The following ANKRD11 variants were observed in gnomAD, a reference collection of about 807,000 sequenced individuals.
ANKRD11 encodes the protein ankyrin repeat domain 11.
ANKRD11 carries 17 observed loss-of-function variants against 195.7 expected under a neutral mutation model. The observed-to-expected ratio is 0.09, with a 90% CI of 0.06 to 0.13. The LOEUF (loss-of-function observed/expected upper bound fraction) is 0.13. ANKRD11 is among the 10% of genes least tolerant of loss of function. The probability of loss-of-function intolerance (pLI) is 1.00; values close to 1 mark genes in which losing one functional copy is unlikely to be tolerated. For missense variants in ANKRD11, 3,735 were observed against 3,566.1 expected (o/e 1.05, Z -1.21); for synonymous variants, 1,953 against 1,528.1 (o/e 1.28, Z -6.49).
intron 2 of ANKRD11, among the ~76,000 whole-genome samples, chr16:89,373,989 G>A (rs1013988405): frequency 6.6e-6 from 1 of 152,242 alleles, no homozygotes; most frequent in Non-Finnish European, 1.5e-5. Flanking sequence ...AGAAGGGTCT[G>A]ACGACCACAA....
In ANKRD11 at chr16:89,283,669, C is replaced by T. The variant is rs2034444431; in HGVS notation, c.2873G>A (p.Cys958Tyr). 1 of 1,612,414 alleles carries T rather than the reference C, an allele frequency of 6.2e-7. No homozygotes were observed. ...GRDRKDALES[C>Y]KERRDGRAKP... ...GGCCCTGCCGTCCCTGCGCTCCTTG[C>T]AGCTCTCCAGGGCGTCCTTTCTGTC... The change falls in exon 9 of 13, where the codon TGC (cysteine) becomes TAC (tyrosine). Residue 958 changes from cysteine to tyrosine, a missense_variant. Physicochemically the swap from Cys to Tyr is radical, Grantham distance 194. Transcript: ENST00000301030. This position sits in a 1 kb window ranked among gnomAD's most constrained non-coding sequence, Gnocchi z 4.3.
At chr16:89,485,276 G>A (rs920396932) in intron 1 of ANKRD11, among the ~76,000 whole-genome samples, 2 of 151,674 alleles carry the variant, frequency 1.3e-5, no homozygotes, top group Non-Finnish European at 2.9e-5. Flanking sequence ...CTGAGGTCAG[G>A]GGTTCCAGAC....
At chr16:89,383,391 T>TC (rs1380846311) in intron 2 of ANKRD11, among the ~76,000 whole-genome samples, 1 of 152,194 alleles carries the variant, frequency 6.6e-6, no homozygotes, top group Non-Finnish European at 1.5e-5. Flanking sequence ...GACGAGGAGA[T>TC]CTGTGCCATG....
At chr16:89,269,153 A>G (rs2032906148) in intron 12 of ANKRD11, among the ~76,000 whole-genome samples, 1 of 152,190 alleles carries the variant, frequency 6.6e-6, no homozygotes, top group South Asian at 2.1e-4. Flanking sequence ...GAGTACTGGT[A>G]TGTCACAAGC....
rs375568937 is a variant in ANKRD11 at position 89,394,199 on chromosome 16, T to C, written c.-60+24085A>G. The stretch of plus-strand genomic sequence containing the variant: ...GGGCAGGTGGCAGGAGCCTCTGACC[T>C]GCTTCCCTCCACGACATGGGCACGT... On this transcript the variant is annotated intron_variant, in intron 2 of 12. Coordinates refer to ENST00000301030, the MANE Select transcript of ANKRD11 (RefSeq NM_013275.6). Among the ~76,000 whole-genome samples, 26 of 152,296 alleles carry C rather than the reference T, an allele frequency of 1.7e-4. No individual in the cohort carries two copies. The South Asian group carries it at 5.2e-3, about 30-fold the overall frequency.
intron 1 of ANKRD11, among the ~76,000 whole-genome samples, chr16:89,473,657 GA>G (rs2057162791): frequency 6.6e-6 from 1 of 152,210 alleles, no homozygotes; most frequent in Non-Finnish European, 1.5e-5. Context: ...TCATGGAGGA[GA>G]GAGAGATGCA....
chr16:89,366,598 CAG>C (rs1311240847), intron 2 of ANKRD11, among the ~76,000 whole-genome samples: 3 of 152,230 alleles, frequency 2.0e-5, no homozygotes, highest in African/African-American at 7.2e-5. Context: ...CTGAAATCAG[CAG>C]ACTCTTGTTG....
At chr16:89,268,770 C>G (rs527837033) in intron 12 of ANKRD11, 107 bp from the exon 13 acceptor site, 1 of 1,347,500 alleles carries the variant, frequency 7.4e-7, no homozygotes, top group Non-Finnish European at 1.0e-6. Context: ...CGGCCGTGAA[C>G]CTACCCTGGT....
At chr16:89,456,429 T>C (rs1035093134) in intron 1 of ANKRD11, among the ~76,000 whole-genome samples, 1 of 151,406 alleles carries the variant, frequency 6.6e-6, no homozygotes, top group South Asian at 2.1e-4. Context: ...GTGCCAGTAA[T>C]GCCAGCTACT....
At chr16:89,446,775 G>A (rs866701218) in intron 1 of ANKRD11, among the ~76,000 whole-genome samples, 2 of 152,018 alleles carry the variant, frequency 1.3e-5, no homozygotes, top group Admixed American at 1.3e-4. Flanking sequence ...TGAGCACCAA[G>A]GGGCCCTTCT....
chr16:89,276,418 G>A (rs919506836), intron 9 of ANKRD11, among the ~76,000 whole-genome samples: 4 of 152,210 alleles, frequency 2.6e-5, no homozygotes, highest in Non-Finnish European at 4.4e-5. Flanking sequence ...ACACCACAGA[G>A]GGAGAGACTT....
chr16:89,391,227 CAA>C (rs35753411), intron 2 of ANKRD11, among the ~76,000 whole-genome samples: 419 of 95,258 alleles, frequency 4.4e-3, no homozygotes, highest in African/African-American at 0.011. Context: ...GACTCTGTCT[CAA>C]AAAAAAAAAA....
At position 89,268,574 on chromosome 16, in the gene ANKRD11, G is replaced by A. The variant is rs1304979473; in HGVS notation, c.7896C>T (p.Asp2632=). The change falls in exon 13 of 13, where the codon GAC becomes GAT. Residue 2632 remains aspartate, a synonymous_variant. Transcript: ENST00000301030. The part of the protein sequence containing the change: ...MEWQLKVQEL[D]PAGHKSLCVN... ...CGCACAGGGACTTGTGCCCGGCGGG[G>A]TCCAGTTCCTGCACCTTCAGCTGCC... 6 of 1,540,722 alleles carry A rather than the reference G, an allele frequency of 3.9e-6. No homozygotes were observed. The highest frequency in any genetic ancestry group is 5.3e-6 in the Non-Finnish European group (6 of 1,138,716).
chr16:89,388,292 G>GTTTTTTTT (rs1567734637), intron 2 of ANKRD11, among the ~76,000 whole-genome samples: 3 of 61,046 alleles, frequency 4.9e-5, no homozygotes, highest in Admixed American at 3.5e-4. Context: ...CCATGAGGCT[G>GTTTTTTTT]ATTTTTTTTT....
In ANKRD11 at chr16:89,472,996, G is replaced by A. The variant is rs558041091; in HGVS notation, c.-145+17249C>T. Among the ~76,000 whole-genome samples the A allele has an allele frequency of 2.6e-5, 4 of 152,192 alleles. No individual in the cohort carries two copies. The South Asian group carries it at 8.3e-4, about 32-fold the overall frequency. On this transcript the variant is annotated intron_variant, in intron 1 of 12. Transcript: ENST00000301030. The stretch of plus-strand genomic sequence containing the variant: ...CTTGAGCCCAGAAGTTGGGAGACCA[G>A]CCTGGGCAACACAGTGAGACCCCGA...
chr16:89,464,105 G>A (rs1383603828), intron 1 of ANKRD11, among the ~76,000 whole-genome samples: 6 of 151,892 alleles, frequency 4.0e-5, no homozygotes, highest in Non-Finnish European at 7.4e-5. Context: ...CAGGCATGGT[G>A]GCGGGCGCCT....
Position 89,449,283 on chromosome 16 carries a change from C to G in ANKRD11, c.-144-30915G>C, listed in dbSNP as rs141978893. On this transcript the variant is annotated intron_variant, in intron 1 of 12. Coordinates refer to ENST00000301030, the MANE Select transcript of ANKRD11 (RefSeq NM_013275.6). ...TGGAGGCTGAGGTGGGAGGATCACT[C>G]GAGGTGGGGTGGTCGAGGCTACAGT... is the stretch of plus-strand genomic sequence containing the variant. 5.2e-3 allele frequency among the ~76,000 whole-genome samples: 793 copies of G among 151,790 alleles called. 5 individuals are homozygous for G. The highest frequency in any genetic ancestry group is 0.018 in the African/African-American group (765 of 41,380).
At chr16:89,290,586 G>C (rs775816006) in intron 6 of ANKRD11, 39 bp downstream of exon 6, 5 of 1,604,952 alleles carry the variant, frequency 3.1e-6, no homozygotes, top group Non-Finnish European at 3.4e-6. Context: ...CAGGGCTCCA[G>C]TGGGGCTCTC....
chr16:89,389,112 G>C (rs1402049637), intron 2 of ANKRD11, among the ~76,000 whole-genome samples: 1 of 152,154 alleles, frequency 6.6e-6, no homozygotes, highest in Non-Finnish European at 1.5e-5. Context: ...ACAGCCTCCA[G>C]GGCTCAGGCA....
Sources: gnomAD v4.1 joint callset for allele counts (sites outside exome capture counted in the v4.1 genomes callset) on GRCh38, gnomAD v4.1.1 for gene constraint, Gnocchi (gnomAD v3.1) non-coding constraint, MANE v1.5 for transcripts, NCBI Gene and HGNC (gene_info 2026-07-23, HGNC 2026-07-21) for gene names.